CCDC148: variants seen among roughly 807,000 people sequenced by gnomAD.
CCDC148 encodes the protein coiled-coil domain-containing protein 148.
A neutral mutation model predicts 85.7 loss-of-function variants in CCDC148; 89 were observed. The ratio of observed to expected loss-of-function variants is 1.04; its 90% CI spans 0.87 to 1.24. The LOEUF is 1.24. CCDC148 is among the 50% of genes most tolerant of loss of function. CCDC148 has a pLI of 0.00. For synonymous variants in CCDC148, 230 were observed against 213.9 expected (o/e 1.08, Z -0.66); for missense variants, 692 against 671.7 (o/e 1.03, Z -0.33).
intron 1 of CCDC148, among the ~76,000 whole-genome samples, chr2:158,412,248 T>C (rs1036436553): frequency 6.6e-6 from 1 of 152,218 alleles, no homozygotes. Flanking sequence ...GGTGCTTTTC[T>C]ACGTGCCTAT....
intron 9 of CCDC148, among the ~76,000 whole-genome samples, chr2:158,254,226 G>C (rs1289751507): frequency 6.6e-6 from 1 of 151,662 alleles, no homozygotes; most frequent in Non-Finnish European, 1.5e-5. Flanking sequence ...TGATTAGTTA[G>C]TTGATGCTAT....
At chr2:158,190,709 A>G (rs1685384219) in intron 11 of CCDC148, among the ~76,000 whole-genome samples, 1 of 152,060 alleles carries the variant, frequency 6.6e-6, no homozygotes, top group Non-Finnish European at 1.5e-5. Flanking sequence ...TAAGAAGGGA[A>G]CTTTTGTTGA....
intron 11 of CCDC148, among the ~76,000 whole-genome samples, chr2:158,185,468 G>C (rs1685111079): frequency 1.3e-5 from 2 of 152,060 alleles, no homozygotes; most frequent in Non-Finnish European, 2.9e-5. Flanking sequence ...CAGCTCCAAG[G>C]GTTGGATATC....
chr2:158,281,887 T>C (rs558441178), intron 9 of CCDC148, among the ~76,000 whole-genome samples: 1 of 152,226 alleles, frequency 6.6e-6, no homozygotes, highest in Admixed American at 6.5e-5. Context: ...AATAAAATAC[T>C]GGCAAACCGA....
At chr2:158,406,938 C>T (rs1180763564) in intron 1 of CCDC148, among the ~76,000 whole-genome samples, 2 of 151,974 alleles carry the variant, frequency 1.3e-5, no homozygotes, top group African/African-American at 4.8e-5. Context: ...CATTACATTT[C>T]CACAAGATAA....
chr2:158,185,455 C>T (rs771962305), intron 11 of CCDC148, among the ~76,000 whole-genome samples: 30 of 152,102 alleles, frequency 2.0e-4, no homozygotes, highest in Admixed American at 1.3e-4. Context: ...AGAATTATTT[C>T]GGCAGCTCCA....
At chr2:158,328,126 T>A (rs1420068943) in intron 7 of CCDC148, among the ~76,000 whole-genome samples, 1 of 152,100 alleles carries the variant, frequency 6.6e-6, no homozygotes, top group Non-Finnish European at 1.5e-5. Context: ...CAACTCGTCA[T>A]CTAACATTAG....
intron 8 of CCDC148, 101 bp downstream of exon 8, chr2:158,313,655 T>A (rs1271487739): frequency 2.5e-6 from 3 of 1,208,832 alleles, no homozygotes; most frequent in Non-Finnish European, 3.4e-6. Flanking sequence ...AGGAAAAAAA[T>A]AATTTTTAAA....
chr2:158,309,397 C>A (rs1559060030), intron 9 of CCDC148, 36 bp downstream of exon 9: 5 of 1,523,078 alleles, frequency 3.3e-6, no homozygotes, highest in South Asian at 2.4e-5. Flanking sequence ...TCTTAAATAT[C>A]CAGACAAATA....
chr2:158,174,182 T>C (rs997543462), intron 13 of CCDC148, among the ~76,000 whole-genome samples: 11 of 152,056 alleles, frequency 7.2e-5, no homozygotes, highest in African/African-American at 2.7e-4. Context: ...TTATCTCTAA[T>C]GCTCACAAGG....
chr2:158,326,559 C>T (rs1692788415), intron 7 of CCDC148, among the ~76,000 whole-genome samples: 2 of 152,226 alleles, frequency 1.3e-5, no homozygotes, highest in South Asian at 2.1e-4. Flanking sequence ...TCATTTGCTC[C>T]ATTTTCCTTT....
chr2:158,375,885 G>C (rs1014656342), intron 1 of CCDC148, among the ~76,000 whole-genome samples: 1 of 152,134 alleles, frequency 6.6e-6, no homozygotes, highest in Non-Finnish European at 1.5e-5. Flanking sequence ...GAAAGCCAAG[G>C]GGAGCCTGGG....
chr2:158,294,553 C>G (rs535673037), intron 9 of CCDC148, among the ~76,000 whole-genome samples: 1 of 152,056 alleles, frequency 6.6e-6, no homozygotes, highest in South Asian at 2.1e-4. Context: ...AAAGAACTGC[C>G]AAGATTATGC....
chr2:158,340,465 G>A (rs1467740262), intron 4 of CCDC148, 72 bp from the exon 5 acceptor site: 1 of 1,526,406 alleles, frequency 6.6e-7, no homozygotes. Context: ...GATCATTAGA[G>A]TACAGATTTA....
At chr2:158,444,190 C>T (rs72927527) in intron 1 of CCDC148, among the ~76,000 whole-genome samples, 7,128 of 151,166 alleles carry the variant, frequency 0.047, 253 homozygotes, top group Non-Finnish European at 0.063. Flanking sequence ...AATTTAGTCA[C>T]ATGCATACAC....
intron 13 of CCDC148, 109 bp from the exon 14 acceptor site, chr2:158,172,368 T>A: frequency 1.3e-6 from 1 of 776,692 alleles, no homozygotes; most frequent in Non-Finnish European, 2.1e-6. Flanking sequence ...GACAGATGAC[T>A]AGGTGACAGT....
At chr2:158,299,576 A>T (rs1368346078) in intron 9 of CCDC148, among the ~76,000 whole-genome samples, 10 of 152,232 alleles carry the variant, frequency 6.6e-5, no homozygotes, top group Admixed American at 6.5e-4. Flanking sequence ...CTCTTATTTC[A>T]AAAATCTCAT....
chr2:158,312,627 CT>C (rs1692089617), intron 8 of CCDC148, among the ~76,000 whole-genome samples: 2 of 149,292 alleles, frequency 1.3e-5, no homozygotes, highest in Admixed American at 1.3e-4. Context: ...ATGTAAAAAT[CT>C]TTATCATGAT....
chr2:158,240,472 A>T lies in CCDC148; in HGVS notation c.1251+10300T>A, dbSNP rs1334745466. On this transcript the variant is annotated intron_variant, in intron 10 of 13. Transcript: ENST00000283233. Reference sequence around the variant, plus strand: ...CTCTCTCACACACACACACACACACACACACACACACACACACACCTCTTT... The same window carrying T: ...CTCTCTCACACACACACACACACACTCACACACACACACACACACCTCTTT... 2.6e-5 allele frequency among the ~76,000 whole-genome samples: 4 copies of T among 151,296 alleles called. No homozygotes were observed. In the South Asian group the frequency reaches 8.4e-4, roughly 32 times the overall value.
Sources: gnomAD v4.1 joint callset for allele counts (sites outside exome capture counted in the v4.1 genomes callset) on GRCh38, gnomAD v4.1.1 for gene constraint, MANE v1.5 for transcripts, NCBI Gene and HGNC (gene_info 2026-07-23, HGNC 2026-07-21) for gene names.